The following PLXDC2 variants were observed in gnomAD, a reference collection of about 807,000 sequenced individuals.
The protein encoded by PLXDC2 is plexin domain containing 2, also known as plexin domain-containing protein 2.
In PLXDC2, 40 loss-of-function variants were observed where a neutral mutation model predicts 68.9. The observed-to-expected ratio is 0.58, with a 90% CI of 0.45 to 0.76. The LOEUF (loss-of-function observed/expected upper bound fraction) is 0.76. PLXDC2 is among the 30% of genes least tolerant of loss of function. The probability of loss-of-function intolerance (pLI) is 0.00; values close to 1 mark genes in which losing one functional copy is unlikely to be tolerated. For missense variants in PLXDC2, 644 were observed against 661.9 expected (o/e 0.97, Z 0.30); for synonymous variants, 243 against 234.2 (o/e 1.04, Z -0.34).
intron 4 of PLXDC2, among the ~76,000 whole-genome samples, chr10:20,075,851 T>C (rs1002721923): frequency 2.6e-5 from 4 of 152,196 alleles, no homozygotes; most frequent in Non-Finnish European, 4.4e-5. Flanking sequence ...GTCTCCAGGC[T>C]CATCCCCTTC....
intron 1 of PLXDC2, among the ~76,000 whole-genome samples, chr10:19,914,157 G>GGAAA (rs1271536971): frequency 6.7e-6 from 1 of 149,244 alleles, no homozygotes; most frequent in Admixed American, 6.7e-5. Context: ...AAGGAAGGAA[G>GGAAA]GAAAGAAGGA....
chr10:19,959,711 C>T (rs1261096408), intron 1 of PLXDC2, among the ~76,000 whole-genome samples: 2 of 152,170 alleles, frequency 1.3e-5, no homozygotes, highest in African/African-American at 4.8e-5. Context: ...AAACTCCTCT[C>T]CTGGGAGTGC....
chr10:20,221,508 C>T (rs368436479), intron 12 of PLXDC2, among the ~76,000 whole-genome samples: 16 of 152,186 alleles, frequency 1.1e-4, no homozygotes, highest in African/African-American at 3.9e-4. Context: ...TTCCTGAAAA[C>T]ATTCAAGTGC....
intron 3 of PLXDC2, among the ~76,000 whole-genome samples, chr10:20,067,302 C>A (rs998188246): frequency 6.6e-6 from 1 of 152,076 alleles, no homozygotes; most frequent in Admixed American, 6.6e-5. Flanking sequence ...TCTCCAGTAA[C>A]CAATATTATT....
chr10:19,865,485 T>C (rs1853951), intron 1 of PLXDC2, among the ~76,000 whole-genome samples: 46,248 of 152,086 alleles, frequency 0.3, 7,351 homozygotes, highest in Middle Eastern at 0.49. Flanking sequence ...TATGAATGGA[T>C]GCAAAGATAG....
At position 20,079,719 on chromosome 10, in the gene PLXDC2, T is replaced by C. The variant is rs532854071; in HGVS notation, c.541+11480T>C. ...AACACCACATGTTGTCACTCCTAAG[T>C]GGGAGTTGAACAATAAGAACACATG... On this transcript the variant is annotated intron_variant, in intron 4 of 13. Transcript: ENST00000377252. Among the ~76,000 whole-genome samples the C allele has an allele frequency of 3.4e-4, 52 of 152,008 alleles. 1 individual carries two copies. In the South Asian group the frequency reaches 1.0e-2, roughly 29 times the overall value.
intron 12 of PLXDC2, among the ~76,000 whole-genome samples, chr10:20,238,681 A>G (rs1024457954): frequency 2.2e-5 from 3 of 138,480 alleles, no homozygotes; most frequent in South Asian, 2.2e-4. Flanking sequence ...ATATATGTAT[A>G]TATATATATA....
chr10:20,001,660 A>G (rs923883329), intron 1 of PLXDC2, 115 bp from the exon 2 acceptor site: 6 of 851,376 alleles, frequency 7.0e-6, no homozygotes, highest in Admixed American at 4.9e-5. Flanking sequence ...AACTGTTACA[A>G]GTTAGTTTCC....
intron 12 of PLXDC2, among the ~76,000 whole-genome samples, chr10:20,238,384 C>T (rs1209442504): frequency 6.6e-6 from 1 of 150,812 alleles, no homozygotes. Flanking sequence ...CGGTGGCTCA[C>T]ACCCGTAATT....
intron 7 of PLXDC2, among the ~76,000 whole-genome samples, chr10:20,172,230 GAAAAA>G (rs571463676): frequency 2.7e-5 from 3 of 110,600 alleles, no homozygotes; most frequent in South Asian, 3.1e-4. Context: ...TTGTGAAAAG[GAAAAA>G]AAAAAAAAAA....
rs372712917 is a variant in PLXDC2 at position 20,188,531 on chromosome 10, A to G, written c.1061+11122A>G. ...GCTTTTTAATAAGCCTTTTTGGGGA[A>G]TGCTGAGGTAGTCTAGGACTAGGGC... On this transcript the variant is annotated intron_variant, in intron 9 of 13. Coordinates refer to ENST00000377252, the MANE Select transcript of PLXDC2 (RefSeq NM_032812.9). Among the ~76,000 whole-genome samples the G allele has an allele frequency of 1.1e-4, 16 of 151,792 alleles. No homozygotes were observed. The East Asian group carries it at 1.9e-3, about 18-fold the overall frequency.
At chr10:19,845,463 G>A (rs1341520067) in intron 1 of PLXDC2, among the ~76,000 whole-genome samples, 3 of 152,104 alleles carry the variant, frequency 2.0e-5, no homozygotes, top group Admixed American at 1.3e-4. Flanking sequence ...GGCCCTAGCG[G>A]GAAACCCTTC....
intron 13 of PLXDC2, among the ~76,000 whole-genome samples, chr10:20,255,200 G>GATAA (rs1350244745): frequency 7.1e-5 from 10 of 140,096 alleles, no homozygotes; most frequent in African/African-American, 2.8e-4. Flanking sequence ...TGGATAGATA[G>GATAA]ATAGATAGAT....
chr10:20,008,971 C>T (rs1835068713), intron 2 of PLXDC2, among the ~76,000 whole-genome samples: 1 of 152,162 alleles, frequency 6.6e-6, no homozygotes, highest in Non-Finnish European at 1.5e-5. Context: ...TTATAAATTA[C>T]CCAGCCTTGG....
intron 9 of PLXDC2, among the ~76,000 whole-genome samples, chr10:20,178,036 C>A (rs1834552714): frequency 6.6e-6 from 1 of 151,946 alleles, no homozygotes; most frequent in Non-Finnish European, 1.5e-5. Context: ...GATTTTGGTT[C>A]ATATTCTACA....
intron 7 of PLXDC2, among the ~76,000 whole-genome samples, chr10:20,176,774 A>C (rs748010367): frequency 1.3e-5 from 2 of 152,126 alleles, no homozygotes; most frequent in Non-Finnish European, 2.9e-5. Context: ...GGTAAGTGAG[A>C]TATCTGAGAC....
intron 13 of PLXDC2, among the ~76,000 whole-genome samples, chr10:20,257,786 C>A (rs924674064): frequency 6.6e-6 from 1 of 151,920 alleles, no homozygotes; most frequent in Non-Finnish European, 1.5e-5. Flanking sequence ...TCCCTTATGT[C>A]CTTTTCACAA....
At chr10:20,267,840 CT>C (rs58705023) in intron 13 of PLXDC2, among the ~76,000 whole-genome samples, 2,756 of 146,374 alleles carry the variant, frequency 0.019, 82 homozygotes, top group African/African-American at 0.061. Flanking sequence ...GCTTTTTTAT[CT>C]TTTTTTTTTT....
chr10:20,057,255 TAGAGTAAACACATCTGA>T (rs1174718336), intron 3 of PLXDC2, among the ~76,000 whole-genome samples: 1 of 152,108 alleles, frequency 6.6e-6, no homozygotes. Context: ...TAATTTTTTT[TAGAGTAAACACATCTGA>T]AAGCAAATAA....
Sources: allele counts gnomAD v4.1 joint callset (sites outside exome capture counted in the v4.1 genomes callset), GRCh38; gene constraint gnomAD v4.1.1; transcripts MANE v1.5; gene names NCBI Gene and HGNC (gene_info 2026-07-23, HGNC 2026-07-21).